Variants in DNAI2 observed in about 807,000 individuals in gnomAD.
DNAI2 encodes the protein dynein, axonemal, intermediate polypeptide 2.
Under a neutral mutation model 74.7 loss-of-function variants are expected in DNAI2, and 63 were observed. That is an observed-to-expected ratio of 0.84 (90% CI 0.69 to 1.04). The LOEUF is 1.04. Among genes scored for constraint, DNAI2 ranks in the 50% least tolerant of loss-of-function variants. DNAI2 has a pLI of 0.00. For synonymous variants in DNAI2, 289 were observed against 314.9 expected, an observed-to-expected ratio of 0.92 and a Z score of 0.87; for missense variants, 688 against 803.2, an observed-to-expected ratio of 0.86 and a Z score of 1.73.
rs748489679 is a variant in DNAI2, at chr17:74,311,700, T to C, written c.1495-303T>C. ...TCTGCCTGAGACTGGGATCTCACCA[T>C]TGAGCTGGTCCTTGTTGGGCCAAAG... On this transcript the variant is annotated intron_variant, in intron 11 of 13. Transcript: ENST00000311014. Among the ~76,000 whole-genome samples the C allele has an allele frequency of 1.0e-3, 156 of 152,324 alleles. 1 individual carries two copies. The highest frequency in any genetic ancestry group is 3.6e-3 in the African/African-American group (149 of 41,586).
rs747116126 is a variant in DNAI2 at position 74,291,128 on chromosome 17, A to G, written c.719A>G (p.Gln240Arg). The G allele has an allele frequency of 6.2e-7, 1 of 1,609,558 alleles. No individual in the cohort carries two copies. The highest frequency in any genetic ancestry group is 1.1e-5 in the South Asian group (1 of 90,962). Reference sequence around the variant, plus strand: ...CTCCTGGGTGGCTGCTACAATGGACAGATAGGTAAGGAGGGACCTAGGCTT... The same window carrying G: ...CTCCTGGGTGGCTGCTACAATGGACGGATAGGTAAGGAGGGACCTAGGCTT... ...HVLLGGCYNGQIACWDTRKGS... is the reference protein window; with the variant it reads ...HVLLGGCYNGRIACWDTRKGS... Residue 240 changes from glutamine (Q) to arginine (R), a missense_variant, in exon 6 of 14, where the codon CAG becomes CGG. Coordinates refer to ENST00000311014, the MANE Select transcript of DNAI2 (RefSeq NM_023036.6).
In DNAI2 at chr17:74,287,042, G is replaced by A. The variant is rs1305242771; in HGVS notation, c.411G>A (p.Glu137=). 2.5e-6 allele frequency: 4 copies of A among 1,613,934 alleles called. No individual in the cohort carries two copies. The South Asian group carries it at 4.4e-5, about 18-fold the overall frequency. ...IDIYEEYFND[E]EAMEVMEEDP... is the part of the protein sequence containing the mutation. ...TCTATGAAGAGTATTTCAATGACGA[G>A]GAGGCCATGGAAGTGATGGAGGAGG... Residue 137 remains glutamate, a synonymous_variant, in exon 4 of 14, where the codon GAG becomes GAA. Coordinates refer to ENST00000311014, the MANE Select transcript of DNAI2 (RefSeq NM_023036.6).
chr17:74,281,699 T>C (rs776475567), intron 1 of DNAI2, 108 bp from the exon 2 acceptor site: 1 of 1,133,212 alleles, frequency 8.8e-7, no homozygotes, highest in Non-Finnish European at 1.3e-6. Context: ...CACCCCTTGC[T>C]TCCTGCCCCA....
chr17:74,304,623 C>T (rs554016202), intron 8 of DNAI2, among the ~76,000 whole-genome samples: 15 of 152,290 alleles, frequency 9.8e-5, no homozygotes, highest in Non-Finnish European at 1.3e-4. Flanking sequence ...AAGCTCAGTT[C>T]GTGGGCGATG....
chr17:74,298,508 T>A (rs1045595918), intron 6 of DNAI2, among the ~76,000 whole-genome samples: 1 of 152,064 alleles, frequency 6.6e-6, no homozygotes, highest in African/African-American at 2.4e-5. Flanking sequence ...GGTTTCATCA[T>A]GTTGGCCAGG....
intron 1 of DNAI2, among the ~76,000 whole-genome samples, chr17:74,280,753 A>G (rs1297555846): frequency 6.6e-6 from 1 of 152,090 alleles, no homozygotes; most frequent in Non-Finnish European, 1.5e-5. Context: ...CATCACCATC[A>G]ATATTTCCTC....
At chr17:74,301,591 G>A (rs1214963916) in intron 8 of DNAI2, among the ~76,000 whole-genome samples, 1 of 151,778 alleles carries the variant, frequency 6.6e-6, no homozygotes, top group African/African-American at 2.4e-5. Flanking sequence ...AAGAGGTACT[G>A]GAGAGGAAAA....
At position 74,287,084 on chromosome 17, in the gene DNAI2, C is replaced by T; in HGVS notation, c.453C>T (p.Thr151=). ...EVMEEDPSAK[T]INVFRDPQEI... ...TGGAGGAGGACCCTTCAGCTAAAAC[C>T]ATCAATGTGTTCAGGTAGCGCCATA... The change falls in exon 4 of 14, where the codon ACC becomes ACT. Residue 151 remains threonine (T), a synonymous_variant. Transcript: ENST00000311014. The T allele has an allele frequency of 6.2e-7, 1 of 1,613,912 alleles. No individual in the cohort carries two copies. Among genetic ancestry groups the T allele is most frequent in the Non-Finnish European group, 8.5e-7 (1 of 1,179,856 alleles).
intron 1 of DNAI2, among the ~76,000 whole-genome samples, chr17:74,276,307 T>C (rs973989701): frequency 6.6e-6 from 1 of 152,206 alleles, no homozygotes; most frequent in Non-Finnish European, 1.5e-5. Flanking sequence ...GCGTCCCTGA[T>C]TCTGCGTGTT....
chr17:74,305,216 C>T lies in DNAI2; in HGVS notation c.988-3C>T, dbSNP rs1375207567. On this transcript the variant is annotated splice_region_variant and splice_polypyrimidine_tract_variant and intron_variant, in intron 8 of 13. Coordinates refer to ENST00000311014, the MANE Select transcript of DNAI2 (RefSeq NM_023036.6). ...TTCCCCTCCTGTGTCACTCCTTCCA[C>T]AGCCCACCAAGTTCATGGTGGGGAC... 29 of 1,613,996 alleles carry T rather than the reference C, an allele frequency of 1.8e-5. No homozygotes were observed. Among genetic ancestry groups the T allele is most frequent in the East Asian group, 2.2e-5 (1 of 44,876 alleles).
intron 2 of DNAI2, among the ~76,000 whole-genome samples, chr17:74,283,737 C>G (rs2051520244): frequency 6.6e-6 from 1 of 151,968 alleles, no homozygotes; most frequent in Admixed American, 6.6e-5. Context: ...AACACCGTCT[C>G]TACAGAAGAA....
At chr17:74,282,722 T>A (rs2051468274) in intron 2 of DNAI2, among the ~76,000 whole-genome samples, 1 of 152,224 alleles carries the variant, frequency 6.6e-6, no homozygotes, top group Non-Finnish European at 1.5e-5. Context: ...AGAACTTATC[T>A]TGAGGGTCAT....
chr17:74,296,612 A>G (rs1330591767), intron 6 of DNAI2, among the ~76,000 whole-genome samples: 2 of 152,148 alleles, frequency 1.3e-5, no homozygotes, highest in African/African-American at 2.4e-5. Flanking sequence ...GTTGCCTGCA[A>G]TTACACCCTG....
Position 74,291,132 on chromosome 17 carries a change from A to G in DNAI2, c.723A>G (p.Ile241Met). The change falls in exon 6 of 14, where the codon ATA (isoleucine) becomes ATG (methionine). Residue 241 changes from isoleucine to methionine, a missense_variant and splice_region_variant. By Grantham distance (10) the Ile-to-Met change is conservative. Transcript: ENST00000311014. Reference protein sequence around the residue: ...VLLGGCYNGQIACWDTRKGSL... With the variant: ...VLLGGCYNGQMACWDTRKGSL... ...TGGGTGGCTGCTACAATGGACAGAT[A>G]GGTAAGGAGGGACCTAGGCTTTTTT... is the stretch of plus-strand genomic sequence containing the variant. 1 of 1,602,134 alleles carries G rather than the reference A, an allele frequency of 6.2e-7. No homozygotes were observed. The highest frequency in any genetic ancestry group is 8.6e-7 in the Non-Finnish European group (1 of 1,169,062).
chr17:74,278,699 C>T (rs1285731913), intron 1 of DNAI2, among the ~76,000 whole-genome samples: 1 of 151,866 alleles, frequency 6.6e-6, no homozygotes, highest in African/African-American at 2.4e-5. Flanking sequence ...ACCACTTGAA[C>T]GCAGGAGGCG....
Position 74,285,146 on chromosome 17 carries a change from G to A in DNAI2, c.290G>A (p.Arg97Gln), listed in dbSNP as rs775926673. Residue 97 changes from arginine to glutamine, a missense_variant, in exon 3 of 14, where the codon CGG (arginine) becomes CAG (glutamine). Coordinates refer to ENST00000311014, the MANE Select transcript of DNAI2 (RefSeq NM_023036.6). ...PLELEQTIRFRKKVEKDENYV... is the reference protein window; with the variant it reads ...PLELEQTIRFQKKVEKDENYV... ...GAGCTGGAGCAGACCATCCGTTTCC[G>A]GAAGAAAGTGGAGAAAGATGAGAAC... 1.0e-4 allele frequency: 163 copies of A among 1,614,086 alleles called. 3 individuals are homozygous for A. The South Asian group carries it at 1.3e-3, about 13-fold the overall frequency.
chr17:74,295,644 TA>T (rs1418966441), intron 6 of DNAI2, among the ~76,000 whole-genome samples: 8 of 100,362 alleles, frequency 8.0e-5, no homozygotes, highest in Admixed American at 4.6e-4. Flanking sequence ...GCATGTCTTA[TA>T]ATTTTTTTTT....
chr17:74,277,838 G>A (rs1450167323), intron 1 of DNAI2, among the ~76,000 whole-genome samples: 2 of 152,234 alleles, frequency 1.3e-5, no homozygotes, highest in Non-Finnish European at 2.9e-5. Context: ...AAGATCCCAG[G>A]TTTCAGAAAC....
chr17:74,297,148 C>T (rs545497139), intron 6 of DNAI2, among the ~76,000 whole-genome samples: 8 of 151,974 alleles, frequency 5.3e-5, no homozygotes, highest in Non-Finnish European at 1.2e-4. Flanking sequence ...TGCAATGTCA[C>T]GATCTTGGCT....
Sources: allele counts gnomAD v4.1 joint callset (sites outside exome capture counted in the v4.1 genomes callset), GRCh38; gene constraint gnomAD v4.1.1; transcripts MANE v1.5; gene names NCBI Gene and HGNC (gene_info 2026-07-23, HGNC 2026-07-21).